The following BCAP29 variants were observed in gnomAD, a reference collection of about 807,000 sequenced individuals.
BCAP29 encodes the protein B cell receptor associated protein 29.
Under a neutral mutation model 31.8 loss-of-function variants are expected in BCAP29, and 34 were observed. The ratio of observed to expected loss-of-function variants is 1.07; its 90% CI spans 0.81 to 1.42. BCAP29 has a LOEUF of 1.42. Among genes scored for constraint, BCAP29 ranks in the 40% most tolerant of loss-of-function variants. BCAP29 has a pLI of 0.00. For synonymous variants in BCAP29, 104 were observed against 91.3 expected (o/e 1.14, Z -0.79); for missense variants, 314 against 269.2 (o/e 1.17, Z -1.16).
rs968025858 is a variant in BCAP29, at chr7:107,618,810, A to C, written c.*447A>C. 3 of 398,332 alleles carry C rather than the reference A, an allele frequency of 7.5e-6. No individual in the cohort carries two copies. The highest frequency in any genetic ancestry group is 9.1e-5 in the South Asian group (2 of 21,864). 24.7% of individuals were successfully genotyped at this position (398,332 alleles called of 1,614,324 possible). ...AATATCAGCAAATTTGTACACAGGG[A>C]ATGTAAATAAGGATAACTGATCAGA... On this transcript the variant is annotated 3_prime_UTR_variant, in exon 8 of 8. Transcript: ENST00000005259.
intron 1 of BCAP29, 120 bp from the exon 2 acceptor site, chr7:107,580,639 T>C (rs1427982576): frequency 1.5e-6 from 1 of 676,050 alleles, no homozygotes; most frequent in African/African-American, 1.9e-5. Context: ...CGTGCTTGCC[T>C]TCCCAGGTGG....
At chr7:107,602,176 A>G (rs1033849704) in intron 6 of BCAP29, among the ~76,000 whole-genome samples, 4 of 152,118 alleles carry the variant, frequency 2.6e-5, no homozygotes, top group African/African-American at 9.6e-5. Flanking sequence ...GTGTTCAGGT[A>G]AAGGCAGATT....
intron 3 of BCAP29, among the ~76,000 whole-genome samples, chr7:107,586,808 A>C (rs1016857267): frequency 6.7e-6 from 1 of 150,122 alleles, no homozygotes; most frequent in African/African-American, 2.5e-5. Flanking sequence ...GCTCACTGCA[A>C]CCTCCACTTT....
At chr7:107,583,353 A>AT (rs1482216499) in intron 2 of BCAP29, among the ~76,000 whole-genome samples, 3 of 151,984 alleles carry the variant, frequency 2.0e-5, no homozygotes, top group Non-Finnish European at 4.4e-5. Context: ...CATATTTAAG[A>AT]TTTTTTCAAT....
chr7:107,591,649 C>A (rs1325698446), intron 3 of BCAP29, among the ~76,000 whole-genome samples: 1 of 148,936 alleles, frequency 6.7e-6, no homozygotes, highest in East Asian at 2.0e-4. Flanking sequence ...CATACACACA[C>A]ACACACACCC....
At chr7:107,583,456 T>C (rs1807070980) in intron 2 of BCAP29, among the ~76,000 whole-genome samples, 1 of 152,152 alleles carries the variant, frequency 6.6e-6, no homozygotes, top group Non-Finnish European at 1.5e-5. Flanking sequence ...TTGTACTATA[T>C]AAAAATCAGT....
rs896982130 is a variant in BCAP29 at position 107,580,320 on chromosome 7, C to T, written c.-15+19C>T. On this transcript the variant is annotated intron_variant, in intron 1 of 7. Coordinates refer to ENST00000005259, the MANE Select transcript of BCAP29 (RefSeq NM_018844.4). ...CCGGCGGGTAAGGGCTTCTGCGACCCGGGGACCCGTGGGGCGTAGGCCGCG... is the reference window on the plus strand; with the variant it reads ...CCGGCGGGTAAGGGCTTCTGCGACCTGGGGACCCGTGGGGCGTAGGCCGCG... The T allele has an allele frequency of 3.3e-5, 5 of 152,994 alleles. No individual in the cohort carries two copies. Among genetic ancestry groups the T allele is most frequent in the African/African-American group, 7.2e-5 (3 of 41,416 alleles). The allele number at this position is 152,994 out of a possible 1,614,324, so 9.5% of individuals were successfully genotyped here. A position where few individuals can be genotyped will look rare whatever the true frequency, so the allele number is the denominator to read the frequency against.
intron 3 of BCAP29, chr7:107,588,020 G>A (rs1808026532): frequency 6.6e-6 from 1 of 152,068 alleles, no homozygotes; most frequent in African/African-American, 2.4e-5. Flanking sequence ...ATATAACACA[G>A]AGAAAAATAA....
intron 6 of BCAP29, among the ~76,000 whole-genome samples, chr7:107,605,978 A>G (rs1033006923): frequency 8.5e-5 from 13 of 152,356 alleles, no homozygotes; most frequent in African/African-American, 2.9e-4. Context: ...ATTTTCTACA[A>G]TGAATTTCTT....
chr7:107,587,189 C>G (rs1487593013), intron 3 of BCAP29, among the ~76,000 whole-genome samples: 2 of 152,180 alleles, frequency 1.3e-5, no homozygotes, highest in African/African-American at 4.8e-5. Context: ...AGCAGAAATG[C>G]ATCCCAGGAA....
At chr7:107,621,810 A>G (rs1366629553), downstream of BCAP29, 9 of 501,064 alleles carry the variant, frequency 1.8e-5, no homozygotes, top group African/African-American at 1.7e-4. Context: ...GATACCGATA[A>G]AACTGATATT....
chr7:107,613,627 A>G (rs1562799098), intron 7 of BCAP29, 195 bp downstream of exon 7: 3 of 1,586,890 alleles, frequency 1.9e-6, no homozygotes, highest in Non-Finnish European at 2.6e-6. Flanking sequence ...GATAATTTTA[A>G]GGAATTGCTG....
intron 5 of BCAP29, chr7:107,600,184 AT>A: frequency 1.7e-6 from 1 of 577,074 alleles, no homozygotes; most frequent in Admixed American, 2.7e-5. Flanking sequence ...CATTTTACAG[AT>A]TTTGCCATAA....
intron 2 of BCAP29, among the ~76,000 whole-genome samples, chr7:107,581,882 A>T (rs1319265051): frequency 6.6e-6 from 1 of 152,098 alleles, no homozygotes; most frequent in Non-Finnish European, 1.5e-5. Context: ...AGGGTCTTTG[A>T]TCTTATTTGA....
intron 7 of BCAP29, among the ~76,000 whole-genome samples, chr7:107,613,915 C>A (rs923759835): frequency 3.3e-5 from 5 of 152,180 alleles, no homozygotes; most frequent in Admixed American, 3.3e-4. Flanking sequence ...AAAAATGTTT[C>A]ATTGTTAAAG....
intron 6 of BCAP29, among the ~76,000 whole-genome samples, chr7:107,612,376 T>C (rs1813271510): frequency 1.4e-5 from 2 of 139,700 alleles, no homozygotes; most frequent in South Asian, 4.3e-4. Flanking sequence ...AGCACCTTCT[T>C]CACAATGTAT....
intron 6 of BCAP29, among the ~76,000 whole-genome samples, chr7:107,612,107 G>A (rs1388170461): frequency 6.6e-6 from 1 of 151,824 alleles, no homozygotes; most frequent in Non-Finnish European, 1.5e-5. Context: ...TTTATAACTG[G>A]AACCTATAAT....
intron 3 of BCAP29, among the ~76,000 whole-genome samples, chr7:107,589,290 T>TA (rs1192899936): frequency 5.9e-5 from 9 of 152,152 alleles, no homozygotes; most frequent in African/African-American, 2.2e-4. Context: ...CTATTATTAT[T>TA]ACATTGTAAT....
downstream of BCAP29, chr7:107,622,157 A>T: frequency 3.1e-6 from 1 of 317,586 alleles, no homozygotes; most frequent in Non-Finnish European, 6.2e-6. Context: ...CGACCTCCTC[A>T]TCTCCCTGTA....
Sources: gnomAD v4.1 joint callset for allele counts (sites outside exome capture counted in the v4.1 genomes callset) on GRCh38, gnomAD v4.1.1 for gene constraint, MANE v1.5 for transcripts, NCBI Gene and HGNC (gene_info 2026-07-23, HGNC 2026-07-21) for gene names.